Variants in SPC25 observed in about 807,000 individuals in gnomAD.
SPC25 encodes SPC25 component of NDC80 kinetochore complex.
In SPC25, 22 loss-of-function variants were observed where a neutral mutation model predicts 29.6. The ratio of observed to expected loss-of-function variants is 0.74; its 90% CI spans 0.53 to 1.06. SPC25 has a LOEUF of 1.06. Among genes scored for constraint, SPC25 ranks in the 50% least tolerant of loss-of-function variants. The probability of loss-of-function intolerance (pLI) is 0.00; values close to 1 mark genes in which losing one functional copy is unlikely to be tolerated. For missense variants in SPC25, 230 were observed against 255.8 expected (o/e 0.90, Z 0.69); for synonymous variants, 91 against 90.4 (o/e 1.01, Z -0.04).
At chr2:168,869,978 A>C (rs1689948390), downstream of SPC25, among the ~76,000 whole-genome samples, 2 of 152,190 alleles carry the variant, frequency 1.3e-5, no homozygotes, top group Non-Finnish European at 2.9e-5. Flanking sequence ...TACAGTAACC[A>C]AAACAGCATG....
chr2:168,865,172 G>A (rs949074773), intron 4 of SPC25: 15 of 590,678 alleles, frequency 2.5e-5, no homozygotes, highest in Non-Finnish European at 3.8e-5. Flanking sequence ...AGACAAGGAA[G>A]AGGCTCCTTG....
At chr2:168,873,934 A>G (rs780686463) in intron 5 of SPC25, among the ~76,000 whole-genome samples, 10 of 152,198 alleles carry the variant, frequency 6.6e-5, no homozygotes, top group Non-Finnish European at 7.4e-5. Flanking sequence ...TTCAAAGAAC[A>G]CTATCAAGAG....
chr2:168,861,947 T>C, intron 4 of SPC25: 1 of 1,613,388 alleles, frequency 6.2e-7, no homozygotes, highest in Non-Finnish European at 8.5e-7. Flanking sequence ...AATTACAGCT[T>C]TATCTATTTC....
At position 168,876,189 on chromosome 2, in the gene SPC25, C is replaced by A. The variant is rs751492064; in HGVS notation, c.347-13G>T. ...GCAGTAGAAATAGCTGATTAAAAAA[C>A]ACACACAATATTAAATGTTTTAAAT... is the stretch of plus-strand genomic sequence containing the variant. On this transcript the variant is annotated splice_polypyrimidine_tract_variant and intron_variant, in intron 4 of 6. Transcript: ENST00000282074. The A allele has an allele frequency of 6.7e-7, 1 of 1,498,430 alleles. No homozygotes were observed. Among genetic ancestry groups the A allele is most frequent in the East Asian group, 2.5e-5 (1 of 40,692 alleles). 92.8% of individuals were successfully genotyped at this position (1,498,430 alleles called of 1,614,324 possible). A position where few individuals can be genotyped will look rare whatever the true frequency, so the allele number is the denominator to read the frequency against.
intron 4 of SPC25, among the ~76,000 whole-genome samples, chr2:168,877,036 A>T (rs1029479642): frequency 1.3e-5 from 2 of 152,182 alleles, no homozygotes; most frequent in Non-Finnish European, 2.9e-5. Flanking sequence ...ATAACAAGAG[A>T]AGGCCCTTTA....
Position 168,864,884 on chromosome 2 carries a change from T to A in SPC25, n.419+8701A>T, listed in dbSNP as rs748543503. 3.1e-6 allele frequency: 5 copies of A among 1,613,932 alleles called. No individual in the cohort carries two copies. The Admixed American group carries it at 8.3e-5, about 27-fold the overall frequency. ...AAAAGAAGGAGGATGGTGGTTTGGA[T>A]CTTTGAATGGGAAAAAAGGCCATTT... On this transcript the variant is annotated intron_variant and non_coding_transcript_variant, in intron 4 of 4. Transcript: ENST00000479309.
chr2:168,886,022 AT>A (rs1362229786), intron 3 of SPC25, among the ~76,000 whole-genome samples: 5 of 149,930 alleles, frequency 3.3e-5, no homozygotes, highest in Admixed American at 6.6e-5. Flanking sequence ...CACAGCATCT[AT>A]TACATTATTC....
intron 4 of SPC25, 125 bp downstream of exon 4, chr2:168,877,113 G>C (rs1690099782): frequency 3.1e-6 from 3 of 958,818 alleles, no homozygotes; most frequent in Non-Finnish European, 4.6e-6. Context: ...ATGAGTGGCT[G>C]GTTATGCCCT....
intron 1 of SPC25, 89 bp downstream of exon 1, chr2:168,890,229 C>T: frequency 2.8e-6 from 2 of 716,678 alleles, no homozygotes; most frequent in South Asian, 6.3e-5. Context: ...CAAACGCCGC[C>T]GCAAATACAC....
At chr2:168,864,007 T>C (rs1689673804) in intron 4 of SPC25, among the ~76,000 whole-genome samples, 1 of 151,858 alleles carries the variant, frequency 6.6e-6, no homozygotes, top group Non-Finnish European at 1.5e-5. Flanking sequence ...GTCTCCTGGA[T>C]TCAAGTGATT....
At chr2:168,862,089 T>C in intron 4 of SPC25, 2 of 1,558,296 alleles carry the variant, frequency 1.3e-6, no homozygotes, top group South Asian at 1.1e-5. Flanking sequence ...CCTTCCCATA[T>C]TGAGATTCTT....
intron 3 of SPC25, among the ~76,000 whole-genome samples, chr2:168,885,842 T>C (rs756333390): frequency 5.3e-5 from 8 of 152,294 alleles, no homozygotes; most frequent in Non-Finnish European, 1.2e-4. Flanking sequence ...GCTTATTTTG[T>C]CATAAAAAAG....
intron 6 of SPC25, among the ~76,000 whole-genome samples, 164 bp from the exon 7 acceptor site, chr2:168,871,719 C>T (rs1306804760): frequency 6.6e-6 from 1 of 152,008 alleles, no homozygotes; most frequent in Admixed American, 6.6e-5. Flanking sequence ...TGCCAAATAT[C>T]TTTTGGACCT....
chr2:168,882,358 G>GCA (rs1559156196), intron 3 of SPC25, among the ~76,000 whole-genome samples: 1 of 152,230 alleles, frequency 6.6e-6, no homozygotes, highest in African/African-American at 2.4e-5. Context: ...TGTAATCCCT[G>GCA]CACTTTGCAA....
intron 4 of SPC25, 133 bp downstream of exon 4, chr2:168,877,105 G>T: frequency 2.3e-6 from 2 of 854,268 alleles, no homozygotes; most frequent in Non-Finnish European, 3.5e-6. Flanking sequence ...TTGCAGAGAT[G>T]AGTGGCTGGT....
At chr2:168,870,476 T>C (rs1430532231), downstream of SPC25, among the ~76,000 whole-genome samples, 4 of 151,220 alleles carry the variant, frequency 2.6e-5, no homozygotes, top group African/African-American at 9.8e-5. Flanking sequence ...AGGGCTAATA[T>C]CCAGAATCTA....
At chr2:168,887,421 C>CAAAAAAAAAAAAAAAA (rs5836211) in intron 3 of SPC25, among the ~76,000 whole-genome samples, 2 of 131,390 alleles carry the variant, frequency 1.5e-5, no homozygotes, top group South Asian at 2.3e-4. Context: ...GACTCCATCT[C>CAAAAAAAAAAAAAAAA]AAAAAAAAAA....
At chr2:168,863,098 AATTG>A (rs914612856) in intron 4 of SPC25, among the ~76,000 whole-genome samples, 14 of 152,152 alleles carry the variant, frequency 9.2e-5, no homozygotes, top group Admixed American at 6.6e-5. Flanking sequence ...ATTCACAATA[AATTG>A]ATTATCTTGT....
chr2:168,883,840 A>G (rs1690215908), intron 3 of SPC25, among the ~76,000 whole-genome samples: 1 of 149,384 alleles, frequency 6.7e-6, no homozygotes, highest in African/African-American at 2.5e-5. Flanking sequence ...GTGCAATCTC[A>G]GCTCACTGCA....
Sources: allele counts gnomAD v4.1 joint callset (sites outside exome capture counted in the v4.1 genomes callset), GRCh38; gene constraint gnomAD v4.1.1; transcripts MANE v1.5; gene names NCBI Gene and HGNC (gene_info 2026-07-23, HGNC 2026-07-21).